The following HACE1 variants were observed in gnomAD, a reference collection of about 807,000 sequenced individuals.
The protein encoded by HACE1 is HECT domain and ankyrin repeat containing E3 ubiquitin protein ligase 1, also known as E3 ubiquitin-protein ligase HACE1.
In HACE1, 73 loss-of-function variants were observed where a neutral mutation model predicts 118.4. That is an observed-to-expected ratio of 0.62 (90% CI 0.51 to 0.75). The LOEUF (loss-of-function observed/expected upper bound fraction) is 0.75, where lower values mean the gene tolerates loss of function less well. Ranked by LOEUF, HACE1 falls within the 30% of genes least tolerant of loss-of-function variation. HACE1 has a pLI of 0.00. For synonymous variants in HACE1, 368 were observed against 374.8 expected (o/e 0.98, Z 0.21); for missense variants, 749 against 1,102.2 (o/e 0.68, Z 4.54).
intron 7 of HACE1, among the ~76,000 whole-genome samples, chr6:104,805,866 C>CA (rs112431776): frequency 0.035 from 5,184 of 149,022 alleles, 274 homozygotes; most frequent in African/African-American, 0.12. Context: ...AATAATAAAA[C>CA]AAAAAAAAAC....
rs1771137615 is a variant in HACE1 at position 104,807,484 on chromosome 6, T to TCC, written c.617+3826_617+3827insGG. 9.8e-5 allele frequency among the ~76,000 whole-genome samples: 15 copies of TCC among 152,320 alleles called. No individual in the cohort carries two copies. The South Asian group carries it at 3.1e-3, about 32-fold the overall frequency. On this transcript the variant is annotated intron_variant, in intron 7 of 23. Coordinates refer to ENST00000262903, the MANE Select transcript of HACE1 (RefSeq NM_020771.4). ...ACATCTTACTAATTTACTGTATCTA[T>TCC]ACAACTCTAACTAAACCTTGCTTTT...
At position 104,795,614 on chromosome 6, in the gene HACE1, A is replaced by C. The variant is rs1326010294; in HGVS notation, c.888T>G (p.Ala296=). Residue 296 remains alanine (A), a synonymous_variant, in exon 10 of 24, where the codon GCT becomes GCG. Coordinates refer to ENST00000262903, the MANE Select transcript of HACE1 (RefSeq NM_020771.4). ...TATGACCATTTGTTGTAGCAACTTC[A>C]GCAAGGCTTGTTAGAATCTTTAGGT... is the stretch of plus-strand genomic sequence containing the variant. The part of the protein sequence containing the change: ...SQYLKILTSL[A]EVATTNGHKL... 7.4e-6 allele frequency: 12 copies of C among 1,612,378 alleles called. No homozygotes were observed. Among genetic ancestry groups the C allele is most frequent in the Non-Finnish European group, 1.0e-5 (12 of 1,178,444 alleles).
At chr6:104,783,241 T>C (rs1395591453) in intron 14 of HACE1, among the ~76,000 whole-genome samples, 1 of 152,196 alleles carries the variant, frequency 6.6e-6, no homozygotes, top group African/African-American at 2.4e-5. Flanking sequence ...CTGCCTCCTC[T>C]GAAATTTCCC....
chr6:104,756,614 T>A (rs549919969), intron 19 of HACE1, among the ~76,000 whole-genome samples: 2 of 151,710 alleles, frequency 1.3e-5, no homozygotes, highest in Non-Finnish European at 2.9e-5. Flanking sequence ...GGTCTACAGC[T>A]CCCAGCGAGA....
intron 7 of HACE1, among the ~76,000 whole-genome samples, chr6:104,802,033 CAA>C (rs533831848): frequency 0.071 from 4,155 of 58,666 alleles, 192 homozygotes; most frequent in African/African-American, 0.22. Flanking sequence ...AACGAAAAGC[CAA>C]AAAAAAAAAA....
intron 7 of HACE1, among the ~76,000 whole-genome samples, chr6:104,801,083 T>A (rs549508557): frequency 2.6e-5 from 4 of 152,050 alleles, no homozygotes; most frequent in Non-Finnish European, 4.4e-5. Context: ...CAAGCTTCAA[T>A]AGCCGATTCG....
Position 104,736,766 on chromosome 6 carries a change from T to C in HACE1, c.2514-6350A>G, listed in dbSNP as rs567434121. ...GTAACAAACTGCAAGAGAAGTACCT[T>C]GCCCAGCCTATTTATTCTTTAAAAT... is the stretch of plus-strand genomic sequence containing the variant. On this transcript the variant is annotated intron_variant, in intron 22 of 23. Transcript: ENST00000262903. Among the ~76,000 whole-genome samples the C allele has an allele frequency of 2.8e-4, 42 of 152,276 alleles. No homozygotes were observed. The South Asian group carries it at 8.3e-3, about 30-fold the overall frequency.
At chr6:104,767,630 G>C (rs887799374) in intron 19 of HACE1, among the ~76,000 whole-genome samples, 3 of 152,126 alleles carry the variant, frequency 2.0e-5, no homozygotes, top group African/African-American at 7.2e-5. Context: ...ATTTGTGGAT[G>C]CAAAGTCTTT....
chr6:104,760,893 T>C (rs1779281348), intron 19 of HACE1, among the ~76,000 whole-genome samples: 1 of 152,140 alleles, frequency 6.6e-6, no homozygotes. Flanking sequence ...AGCATTCCTA[T>C]ACACCAATAA....
chr6:104,779,374 C>A (rs1348980799), intron 14 of HACE1, among the ~76,000 whole-genome samples: 1 of 152,100 alleles, frequency 6.6e-6, no homozygotes, highest in African/African-American at 2.4e-5. Context: ...GTTATTAATT[C>A]TTAATAAAAA....
intron 7 of HACE1, among the ~76,000 whole-genome samples, chr6:104,810,124 C>T (rs1245149652): frequency 2.0e-5 from 3 of 151,976 alleles, no homozygotes; most frequent in Non-Finnish European, 4.4e-5. Context: ...CAAGATACAA[C>T]ATGATTACAG....
At chr6:104,774,619 C>T (rs960933277) in intron 17 of HACE1, among the ~76,000 whole-genome samples, 3 of 151,870 alleles carry the variant, frequency 2.0e-5, no homozygotes, top group Non-Finnish European at 2.9e-5. Context: ...CTTTTGACCT[C>T]GTGATCTGCC....
At chr6:104,784,064 A>G (rs1782062503) in intron 14 of HACE1, 22 bp downstream of exon 14, 2 of 1,236,670 alleles carry the variant, frequency 1.6e-6, no homozygotes, top group Non-Finnish European at 1.2e-6. Flanking sequence ...GATAGAATAA[A>G]AAGATGAAGA....
chr6:104,833,347 C>A (rs914411429), intron 5 of HACE1, among the ~76,000 whole-genome samples, 174 bp from the exon 6 acceptor site: 2 of 151,830 alleles, frequency 1.3e-5, no homozygotes, highest in African/African-American at 4.8e-5. Flanking sequence ...CATTTTTTTC[C>A]TTTTTTAAAT....
chr6:104,844,720 T>C (rs558614088), intron 4 of HACE1, among the ~76,000 whole-genome samples: 107 of 147,518 alleles, frequency 7.3e-4, no homozygotes, highest in South Asian at 1.3e-3. Context: ...TGGAGTGCAA[T>C]GGCACAATTT....
chr6:104,748,150 T>C (rs1469838679), intron 20 of HACE1, among the ~76,000 whole-genome samples: 1 of 151,962 alleles, frequency 6.6e-6, no homozygotes, highest in Non-Finnish European at 1.5e-5. Context: ...AAATTTTTAT[T>C]CACTGAAAAG....
chr6:104,830,118 T>G (rs985809790), intron 6 of HACE1, among the ~76,000 whole-genome samples: 1 of 152,160 alleles, frequency 6.6e-6, no homozygotes, highest in Non-Finnish European at 1.5e-5. Flanking sequence ...AGGTAGGGTG[T>G]GCAAGTCTTA....
intron 17 of HACE1, among the ~76,000 whole-genome samples, chr6:104,775,754 T>C (rs1306706086): frequency 2.0e-5 from 3 of 152,216 alleles, no homozygotes; most frequent in African/African-American, 4.8e-5. Flanking sequence ...ATCACAGGGA[T>C]GAATGCCTGC....
At chr6:104,815,986 T>C (rs773504579) in intron 6 of HACE1, among the ~76,000 whole-genome samples, 1 of 151,634 alleles carries the variant, frequency 6.6e-6, no homozygotes, top group Non-Finnish European at 1.5e-5. Context: ...GGCAGGAGAA[T>C]TGCTTGAACC....
Sources: gnomAD v4.1 joint callset for allele counts (sites outside exome capture counted in the v4.1 genomes callset) on GRCh38, gnomAD v4.1.1 for gene constraint, MANE v1.5 for transcripts, NCBI Gene and HGNC (gene_info 2026-07-23, HGNC 2026-07-21) for gene names.